Variants in STAT1 observed in about 807,000 individuals in gnomAD.
STAT1 encodes signal transducer and activator of transcription 1.
STAT1 carries 24 observed loss-of-function variants against 111.7 expected under a neutral mutation model. The observed-to-expected ratio is 0.21, with a 90% CI of 0.16 to 0.30. The LOEUF (loss-of-function observed/expected upper bound fraction) is 0.30. Ranked by LOEUF, STAT1 falls within the 10% of genes least tolerant of loss-of-function variation. STAT1 has a pLI of 1.00. For synonymous variants in STAT1, 332 were observed against 326.5 expected (o/e 1.02, Z -0.18); for missense variants, 351 against 911.9 (o/e 0.38, Z 7.92).
intron 10 of STAT1, 126 bp from the exon 11 acceptor site, chr2:190,991,446 T>C (rs988868746): frequency 4.5e-6 from 4 of 890,258 alleles, no homozygotes; most frequent in African/African-American, 3.3e-5. Context: ...TGAAAGATTC[T>C]GACAAGTTGG....
rs1328376397 is a variant in STAT1 at position 190,983,356 on chromosome 2, G to A, written c.1446+286C>T. On this transcript the variant is annotated intron_variant, in intron 17 of 24. Transcript: ENST00000361099. This position sits in a 1 kb window ranked among gnomAD's most constrained non-coding sequence, Gnocchi z 5.7. The stretch of plus-strand genomic sequence containing the variant: ...TGAGTATCCACACTCTAAGAATGGA[G>A]CATGCTTGTTTAGTAGATGTATACA... Among the ~76,000 whole-genome samples, 1 of 152,176 alleles carries A rather than the reference G, an allele frequency of 6.6e-6. No homozygotes were observed. Among genetic ancestry groups the A allele is most frequent in the Non-Finnish European group, 1.5e-5 (1 of 68,036 alleles).
chr2:190,977,115 G>T lies in STAT1; in HGVS notation c.1874-90C>A. On this transcript the variant is annotated intron_variant, in intron 21 of 24. Coordinates refer to ENST00000361099, the MANE Select transcript of STAT1 (RefSeq NM_007315.4). The surrounding 1 kb of genome is among the most constrained non-coding windows in gnomAD (Gnocchi z 4.7). The stretch of plus-strand genomic sequence containing the variant: ...AAAACACTGCAGAGTTGATGGATTT[G>T]AGTGAACCTCATAAGAACTAATCAC... The T allele has an allele frequency of 7.8e-7, 1 of 1,280,032 alleles. No homozygotes were observed. Among genetic ancestry groups the T allele is most frequent in the Non-Finnish European group, 1.1e-6 (1 of 882,086 alleles). 79.3% of individuals were successfully genotyped at this position (1,280,032 alleles called of 1,614,324 possible).
Position 191,002,861 on chromosome 2 carries a change from TTC to T in STAT1, c.373-1700_373-1699del, listed in dbSNP as rs1400084468. ...GTTTTTATGAGGAATGAGTATTGAATTCTGTTAGATCTTTTCAGCTTCTGTGG... is the reference window on the plus strand; with the variant it reads ...GTTTTTATGAGGAATGAGTATTGAATTGTTAGATCTTTTCAGCTTCTGTGG... On this transcript the variant is annotated intron_variant, in intron 5 of 24. Transcript: ENST00000361099. Among the ~76,000 whole-genome samples the T allele has an allele frequency of 3.3e-5, 5 of 152,336 alleles. No individual in the cohort carries two copies. In the East Asian group the frequency reaches 9.6e-4, roughly 29 times the overall value.
chr2:190,977,150 A>AAATAATGGCAAATAGAATG lies in STAT1; in HGVS notation c.1874-126_1874-125insCATTCTATTTGCCATTATT. The AAATAATGGCAAATAGAATG allele has an allele frequency of 1.1e-6, 1 of 878,454 alleles. No homozygotes were observed. The highest frequency in any genetic ancestry group is 1.9e-6 in the Non-Finnish European group (1 of 533,500). 54.4% of individuals were successfully genotyped at this position (878,454 alleles called of 1,614,324 possible). Reference sequence around the variant, plus strand: ...CATAAGAACTAATCACAATCTAAGCATTATAACATATACAGTAGACTGCTT... The same window carrying AAATAATGGCAAATAGAATG: ...CATAAGAACTAATCACAATCTAAGCAAATAATGGCAAATAGAATGTTATAACATATACAGTAGACTGCTT... On this transcript the variant is annotated intron_variant, in intron 21 of 24. Transcript: ENST00000361099. The surrounding 1 kb of genome is among the most constrained non-coding windows in gnomAD (Gnocchi z 4.7).
chr2:190,997,364 C>A lies in STAT1; in HGVS notation c.785+492G>T, dbSNP rs184467281. Among the ~76,000 whole-genome samples, 18 of 152,226 alleles carry A rather than the reference C, an allele frequency of 1.2e-4. No homozygotes were observed. The highest frequency in any genetic ancestry group is 4.1e-4 in the African/African-American group (17 of 41,456). The stretch of plus-strand genomic sequence containing the variant: ...GAATTATTACCATGTCTACATCCCC[C>A]CCTCCACACTGAGAACTCCTTGTTG... On this transcript the variant is annotated intron_variant, in intron 9 of 24. Transcript: ENST00000361099. The surrounding 1 kb of genome is among the most constrained non-coding windows in gnomAD (Gnocchi z 7.3).
In STAT1 at chr2:190,974,796, T is replaced by G; in HGVS notation, c.2238+34A>C. The G allele has an allele frequency of 1.3e-6, 2 of 1,566,700 alleles. No homozygotes were observed. The highest frequency in any genetic ancestry group is 1.8e-6 in the Non-Finnish European group (2 of 1,136,988). On this transcript the variant is annotated intron_variant, in intron 24 of 24. Coordinates refer to ENST00000361099, the MANE Select transcript of STAT1 (RefSeq NM_007315.4). This position sits in a 1 kb window ranked among gnomAD's most constrained non-coding sequence, Gnocchi z 4.8. ...CCTGCCTCTGAGCACACACACTTAT[T>G]GAGAGCTACACACAGGCCAGCCGTG... is the stretch of plus-strand genomic sequence containing the variant.
At position 191,001,110 on chromosome 2, in the gene STAT1, A is replaced by G. The variant is rs183788866; in HGVS notation, c.426T>C (p.Leu142=). Residue 142 remains leucine (L), a synonymous_variant, in exon 6 of 25, where the codon CTT becomes CTC. Transcript: ENST00000361099. Reference sequence around the variant, plus strand: ...CCTTCACATTTCTGACTTTACTGTCAAGCTCTTTCTGTTTGTCTAACATCA... The same window carrying G: ...CCTTCACATTTCTGACTTTACTGTCGAGCTCTTTCTGTTTGTCTAACATCA... The part of the protein sequence containing the change: ...STVMLDKQKE[L]DSKVRNVKDK... 40 of 1,614,076 alleles carry G rather than the reference A, an allele frequency of 2.5e-5. No homozygotes were observed. The East Asian group carries it at 8.5e-4, about 34-fold the overall frequency.
chr2:190,984,475 C>T lies in STAT1; in HGVS notation c.1264-82G>A. On this transcript the variant is annotated intron_variant, in intron 15 of 24. Coordinates refer to ENST00000361099, the MANE Select transcript of STAT1 (RefSeq NM_007315.4). The surrounding 1 kb of genome is among the most constrained non-coding windows in gnomAD (Gnocchi z 5.2). ...TTCAAAAGCCCAATTAACATTGCAACAGGCCACAGAGATCCTGGGCCCAAT... is the reference window on the plus strand; with the variant it reads ...TTCAAAAGCCCAATTAACATTGCAATAGGCCACAGAGATCCTGGGCCCAAT... 8.3e-7 allele frequency: 1 copy of T among 1,199,034 alleles called. No homozygotes were observed. The highest frequency in any genetic ancestry group is 1.2e-6 in the Non-Finnish European group (1 of 816,226). The allele number at this position is 1,199,034 out of a possible 1,614,324, so 74.3% of individuals were successfully genotyped here.
Position 191,012,885 on chromosome 2 carries a change from A to G in STAT1, c.-2+640T>C, listed in dbSNP as rs967491937. On this transcript the variant is annotated intron_variant, in intron 2 of 24. Coordinates refer to ENST00000361099, the MANE Select transcript of STAT1 (RefSeq NM_007315.4). The surrounding 1 kb of genome is among the most constrained non-coding windows in gnomAD (Gnocchi z 4.0). Reference sequence around the variant, plus strand: ...TATGTACAAAAGCCCCTTCTTTCATAAAGTTGTCTGAGACTTACTCACAAT... The same window carrying G: ...TATGTACAAAAGCCCCTTCTTTCATGAAGTTGTCTGAGACTTACTCACAAT... Among the ~76,000 whole-genome samples the G allele has an allele frequency of 4.6e-5, 7 of 152,216 alleles. No individual in the cohort carries two copies. The highest frequency in any genetic ancestry group is 1.7e-4 in the African/African-American group (7 of 41,442).
rs2125007629 is a variant in STAT1, at chr2:190,978,968, C to T, written c.1761G>A (p.Glu587=). ...GCTGCTGGTCCTTCAACAGGGCACG[C>T]TCTCGCTCCTTGCTGATGAAGCCCA... ...CIMGFISKER[E]RALLKDQQPG... The change falls in exon 21 of 25, where the codon GAG becomes GAA. Residue 587 remains glutamate, a synonymous_variant. Transcript: ENST00000361099. The surrounding 1 kb of genome is among the most constrained non-coding windows in gnomAD (Gnocchi z 6.1). The T allele has an allele frequency of 6.2e-7, 1 of 1,614,190 alleles. No homozygotes were observed. Among genetic ancestry groups the T allele is most frequent in the Non-Finnish European group, 8.5e-7 (1 of 1,180,038 alleles).
Position 190,987,649 on chromosome 2 carries a change from A to C in STAT1, c.1098-581T>G, listed in dbSNP as rs1245904781. Among the ~76,000 whole-genome samples, 2 of 152,214 alleles carry C rather than the reference A, an allele frequency of 1.3e-5. No homozygotes were observed. The highest frequency in any genetic ancestry group is 4.8e-5 in the African/African-American group (2 of 41,448). On this transcript the variant is annotated intron_variant, in intron 12 of 24. Coordinates refer to ENST00000361099, the MANE Select transcript of STAT1 (RefSeq NM_007315.4). The surrounding 1 kb of genome is among the most constrained non-coding windows in gnomAD (Gnocchi z 4.0). The stretch of plus-strand genomic sequence containing the variant: ...GTGGCAAGTTTAAGTTTTAAGTCTG[A>C]GGTTAAAATTTTGAAAGACCTTGCA...
chr2:190,975,000 A>G lies in STAT1; in HGVS notation c.2136-68T>C. 1 of 1,139,890 alleles carries G rather than the reference A, an allele frequency of 8.8e-7. No individual in the cohort carries two copies. Among genetic ancestry groups the G allele is most frequent in the South Asian group, 1.3e-5 (1 of 78,718 alleles). The allele number at this position is 1,139,890 out of a possible 1,614,324, so 70.6% of individuals were successfully genotyped here. On this transcript the variant is annotated intron_variant, in intron 23 of 24. Transcript: ENST00000361099. This position sits in a 1 kb window ranked among gnomAD's most constrained non-coding sequence, Gnocchi z 4.8. ...GATGAAAGCACTAGTGCATACTTAC[A>G]CACTTTATCTTTTGTCTGTAATTGA... is the stretch of plus-strand genomic sequence containing the variant.
rs1692709774 is a variant in STAT1, at chr2:190,985,205, T to TA, written c.1263+413dup. On this transcript the variant is annotated intron_variant, in intron 15 of 24. Coordinates refer to ENST00000361099, the MANE Select transcript of STAT1 (RefSeq NM_007315.4). The stretch of plus-strand genomic sequence containing the variant: ...ACTGATGCAAAGGCAATGCTTTTGG[T>TA]AGGGGATGCAATGGCCGAAAAGCCC... 2.0e-5 allele frequency among the ~76,000 whole-genome samples: 3 copies of TA among 152,196 alleles called. No individual in the cohort carries two copies. The South Asian group carries it at 6.2e-4, about 32-fold the overall frequency.
intron 5 of STAT1, among the ~76,000 whole-genome samples, chr2:191,001,963 G>A (rs1467434952): frequency 6.6e-6 from 1 of 152,170 alleles, no homozygotes; most frequent in African/African-American, 2.4e-5. Context: ...AGCAAAAACT[G>A]TGCTTGTCAA....
intron 3 of STAT1, among the ~76,000 whole-genome samples, chr2:191,009,415 G>A (rs1432511003): frequency 1.5e-5 from 2 of 133,058 alleles, no homozygotes; most frequent in East Asian, 2.0e-4. Flanking sequence ...CTTTCAGGAC[G>A]TTTTTAAATT....
Position 190,973,021 on chromosome 2 carries a change from G to C in STAT1, c.2238+1809C>G, listed in dbSNP as rs1224280463. ...TGAGAGCAGAGAGAGCAGTCCAACT[G>C]CTCCACAGGACTGCAGAGAGGGAAC... On this transcript the variant is annotated intron_variant, in intron 24 of 24. Coordinates refer to ENST00000361099, the MANE Select transcript of STAT1 (RefSeq NM_007315.4). The surrounding 1 kb of genome is among the most constrained non-coding windows in gnomAD (Gnocchi z 4.4). Among the ~76,000 whole-genome samples, 1 of 152,066 alleles carries C rather than the reference G, an allele frequency of 6.6e-6. No individual in the cohort carries two copies. The highest frequency in any genetic ancestry group is 1.5e-5 in the Non-Finnish European group (1 of 68,008).
In STAT1 at chr2:191,000,734, T is replaced by C. The variant is rs1694205290; in HGVS notation, c.462+340A>G. The stretch of plus-strand genomic sequence containing the variant: ...TGGGAAGGATGGGCCATGTTTATCC[T>C]GGGGCACTGTGATTTGAGAGGTGTG... On this transcript the variant is annotated intron_variant, in intron 6 of 24. Coordinates refer to ENST00000361099, the MANE Select transcript of STAT1 (RefSeq NM_007315.4). This position sits in a 1 kb window ranked among gnomAD's most constrained non-coding sequence, Gnocchi z 4.8. Among the ~76,000 whole-genome samples the C allele has an allele frequency of 6.6e-6, 1 of 152,208 alleles. No individual in the cohort carries two copies. Among genetic ancestry groups the C allele is most frequent in the Admixed American group, 6.5e-5 (1 of 15,286 alleles).
rs1434353183 is a variant in STAT1, at chr2:190,999,024, G to A, written c.541+602C>T. Among the ~76,000 whole-genome samples, 1 of 152,140 alleles carries A rather than the reference G, an allele frequency of 6.6e-6. No homozygotes were observed. Among genetic ancestry groups the A allele is most frequent in the East Asian group, 1.9e-4 (1 of 5,200 alleles). ...CCAGATGATGAATAGAGTAACAGCA[G>A]TACCCTACGTGTCCTACACAATGTA... On this transcript the variant is annotated intron_variant, in intron 7 of 24. Coordinates refer to ENST00000361099, the MANE Select transcript of STAT1 (RefSeq NM_007315.4). This position sits in a 1 kb window ranked among gnomAD's most constrained non-coding sequence, Gnocchi z 4.1.
At chr2:191,010,421 G>C (rs1405849643) in intron 2 of STAT1, 1 of 470,270 alleles carries the variant, frequency 2.1e-6, no homozygotes, top group African/African-American at 2.0e-5. Flanking sequence ...GATGGATGTT[G>C]GTGGAGGATT....
Sources: gnomAD v4.1 joint callset for allele counts (sites outside exome capture counted in the v4.1 genomes callset) on GRCh38, gnomAD v4.1.1 for gene constraint, Gnocchi (gnomAD v3.1) non-coding constraint, MANE v1.5 for transcripts, NCBI Gene and HGNC (gene_info 2026-07-23, HGNC 2026-07-21) for gene names.